Variants in CDH13 observed in about 807,000 individuals in gnomAD.
CDH13 encodes cadherin-13.
A neutral mutation model predicts 63.8 loss-of-function variants in CDH13; 24 were observed. The observed-to-expected ratio is 0.38, with a 90% CI of 0.27 to 0.53. The LOEUF (loss-of-function observed/expected upper bound fraction) is 0.53, where lower values mean the gene tolerates loss of function less well. Among genes scored for constraint, CDH13 ranks in the 20% least tolerant of loss-of-function variants. The probability of loss-of-function intolerance (pLI) is 0.85; values close to 1 mark genes in which losing one functional copy is unlikely to be tolerated. For synonymous variants in CDH13, 503 were observed against 355.3 expected (o/e 1.42, Z -4.67); for missense variants, 1,049 against 903.1 (o/e 1.16, Z -2.07).
chr16:82,686,928 G>GT (rs1207810131), intron 1 of CDH13, among the ~76,000 whole-genome samples: 1 of 152,174 alleles, frequency 6.6e-6, no homozygotes, highest in African/African-American at 2.4e-5. Flanking sequence ...AACATTGTCT[G>GT]TTTTTCATCA....
At chr16:82,696,748 C>A (rs2030344758) in intron 1 of CDH13, among the ~76,000 whole-genome samples, 1 of 152,130 alleles carries the variant, frequency 6.6e-6, no homozygotes, top group African/African-American at 2.4e-5. Flanking sequence ...TAGAAATTTT[C>A]CCCAAATTTA....
chr16:83,766,749 C>G (rs1357819320), intron 11 of CDH13, among the ~76,000 whole-genome samples: 2 of 151,688 alleles, frequency 1.3e-5, no homozygotes, highest in African/African-American at 2.4e-5. Context: ...CACCCAGAAT[C>G]TCTTCTTAAT....
chr16:83,335,708 G>A (rs1180280109), intron 5 of CDH13, among the ~76,000 whole-genome samples: 1 of 152,106 alleles, frequency 6.6e-6, no homozygotes, highest in African/African-American at 2.4e-5. Context: ...TACAGAAATT[G>A]TATAGAAAAG....
At chr16:83,485,257 G>A (rs2073860148) in intron 6 of CDH13, among the ~76,000 whole-genome samples, 1 of 152,208 alleles carries the variant, frequency 6.6e-6, no homozygotes, top group Admixed American at 6.5e-5. Flanking sequence ...AGTTGTTTCT[G>A]AAAGTAGATG....
chr16:83,146,502 G>C (rs903925158), intron 4 of CDH13, among the ~76,000 whole-genome samples: 2 of 152,254 alleles, frequency 1.3e-5, no homozygotes, highest in Non-Finnish European at 2.9e-5. Context: ...TCCTATCTAA[G>C]GCTGGGGCAG....
chr16:83,661,942 A>C (rs539076651), intron 8 of CDH13, among the ~76,000 whole-genome samples: 55 of 152,208 alleles, frequency 3.6e-4, no homozygotes, highest in Non-Finnish European at 6.0e-4. Context: ...AGGTTGAGGG[A>C]TGCTTCATTT....
intron 6 of CDH13, among the ~76,000 whole-genome samples, chr16:83,441,597 TG>T (rs1195321423): frequency 6.6e-6 from 1 of 152,182 alleles, no homozygotes; most frequent in Non-Finnish European, 1.5e-5. Flanking sequence ...TCCTTAGAGT[TG>T]GGCAGCTTTT....
intron 11 of CDH13, among the ~76,000 whole-genome samples, chr16:83,767,615 T>C (rs566186116): frequency 6.6e-6 from 1 of 152,264 alleles, no homozygotes; most frequent in South Asian, 2.1e-4. Flanking sequence ...CATCAGCTGG[T>C]GAGTAGATAA....
At chr16:83,310,297 G>T (rs531637537) in intron 5 of CDH13, among the ~76,000 whole-genome samples, 3 of 152,318 alleles carry the variant, frequency 2.0e-5, no homozygotes, top group African/African-American at 4.8e-5. Flanking sequence ...CTAAGATACG[G>T]AGTAATTGCA....
chr16:83,795,089 ATCT>A lies in CDH13; in HGVS notation c.*60_*62del. ...TTCCATAGCAACAGGAAAAAAAAAA[ATCT>A]ATCCAAATCTGAAGATTGCGGTTTA... On this transcript the variant is annotated 3_prime_UTR_variant, in exon 14 of 14. Transcript: ENST00000567109. 1.4e-6 allele frequency: 2 copies of A among 1,405,854 alleles called. No homozygotes were observed. The highest frequency in any genetic ancestry group is 9.8e-7 in the Non-Finnish European group (1 of 1,024,950). The allele number at this position is 1,405,854 out of a possible 1,614,324, so 87.1% of individuals were successfully genotyped here. A position where few individuals can be genotyped will look rare whatever the true frequency, so the allele number is the denominator to read the frequency against.
At chr16:82,839,204 T>G (rs2038902937) in intron 1 of CDH13, among the ~76,000 whole-genome samples, 1 of 152,210 alleles carries the variant, frequency 6.6e-6, no homozygotes. Flanking sequence ...CATTGGGGGT[T>G]ACAGTTCTTC....
intron 9 of CDH13, among the ~76,000 whole-genome samples, chr16:83,674,980 C>A (rs1369715539): frequency 6.6e-6 from 1 of 152,224 alleles, no homozygotes; most frequent in African/African-American, 2.4e-5. Flanking sequence ...CCTCTTCCAG[C>A]CAACAAACCC....
At chr16:83,032,683 T>A (rs1916478195) in intron 3 of CDH13, among the ~76,000 whole-genome samples, 1 of 152,118 alleles carries the variant, frequency 6.6e-6, no homozygotes, top group Non-Finnish European at 1.5e-5. Context: ...GTAGGTTAGA[T>A]CATGTGTCCA....
chr16:82,725,933 T>C (rs1488206809), intron 1 of CDH13, among the ~76,000 whole-genome samples: 2 of 152,126 alleles, frequency 1.3e-5, no homozygotes, highest in African/African-American at 2.4e-5. Context: ...TTTTCTTGGC[T>C]AAGATGGGAG....
At chr16:82,889,374 A>G (rs573695602) in intron 2 of CDH13, among the ~76,000 whole-genome samples, 2 of 151,952 alleles carry the variant, frequency 1.3e-5, no homozygotes, top group South Asian at 4.2e-4. Flanking sequence ...TCTATCTATA[A>G]TCTATTAGTT....
chr16:83,301,715 G>A (rs1206124107), intron 5 of CDH13, among the ~76,000 whole-genome samples: 2 of 152,138 alleles, frequency 1.3e-5, no homozygotes, highest in Admixed American at 6.5e-5. Context: ...CTTGGTCTCA[G>A]GATGCCTTCT....
At chr16:83,333,097 G>C (rs2090512961) in intron 5 of CDH13, among the ~76,000 whole-genome samples, 1 of 152,088 alleles carries the variant, frequency 6.6e-6, no homozygotes, top group Admixed American at 6.6e-5. Flanking sequence ...CATCCAGTCT[G>C]TCAAGCGGGG....
chr16:82,924,665 A>T (rs902591329), intron 2 of CDH13, among the ~76,000 whole-genome samples: 1 of 152,178 alleles, frequency 6.6e-6, no homozygotes, highest in Non-Finnish European at 1.5e-5. Context: ...TGAGTGAGTT[A>T]CCGTTATCAA....
intron 2 of CDH13, among the ~76,000 whole-genome samples, chr16:82,998,978 T>C (rs980629426): frequency 4.6e-5 from 7 of 151,366 alleles, no homozygotes; most frequent in African/African-American, 1.7e-4. Flanking sequence ...CGCACATGAA[T>C]ATTTATCTTA....
Sources: allele counts gnomAD v4.1 joint callset (sites outside exome capture counted in the v4.1 genomes callset), GRCh38; gene constraint gnomAD v4.1.1; transcripts MANE v1.5; gene names NCBI Gene and HGNC (gene_info 2026-07-23, HGNC 2026-07-21).